ARK2C: variants seen among roughly 807,000 people sequenced by gnomAD.
ARK2C encodes the protein E3 ubiquitin-protein ligase ARK2C.
chr18:46,402,195 C>A, the ARK2C span, among the ~76,000 whole-genome samples: 23 of 152,216 alleles, frequency 1.5e-4, no homozygotes, highest in East Asian at 3.5e-3. Context: ...GCATCTATAC[C>A]CTGTTGGTTA....
the ARK2C span, among the ~76,000 whole-genome samples, chr18:46,403,535 A>G: frequency 2.8e-4 from 42 of 152,284 alleles, no homozygotes; most frequent in African/African-American, 8.2e-4. Context: ...TTTCATTTCA[A>G]TGACTACTTA....
the ARK2C span, chr18:46,433,657 C>CT: frequency 1.4e-6 from 1 of 693,148 alleles, no homozygotes; most frequent in Non-Finnish European, 2.3e-6. Context: ...GCTTCTCTCC[C>CT]TGGCCTGGCC....
the ARK2C span, among the ~76,000 whole-genome samples, chr18:46,432,303 A>G: frequency 1.3e-5 from 2 of 152,230 alleles, no homozygotes; most frequent in Non-Finnish European, 2.9e-5. Flanking sequence ...ATACCTGGAC[A>G]TGTTTGCTTT....
At chr18:46,374,946 C>T in the ARK2C span, among the ~76,000 whole-genome samples, 1 of 152,234 alleles carries the variant, frequency 6.6e-6, no homozygotes, top group East Asian at 1.9e-4. Context: ...CACTTCCCTA[C>T]TGCCCTCCTG....
the ARK2C span, among the ~76,000 whole-genome samples, chr18:46,392,100 G>A: frequency 0.11 from 16,614 of 151,168 alleles, 1,099 homozygotes; most frequent in Non-Finnish European, 0.15. Flanking sequence ...CACACACCAC[G>A]CATACACACA....
the ARK2C span, chr18:46,336,510 A>G: frequency 2.1e-5 from 21 of 985,336 alleles, no homozygotes; most frequent in Admixed American, 1.2e-4. Context: ...GCAGAATGTG[A>G]TAAGAGTTCA....
chr18:46,366,217 G>A, the ARK2C span, among the ~76,000 whole-genome samples: 5 of 148,782 alleles, frequency 3.4e-5, no homozygotes, highest in African/African-American at 1.0e-4. Context: ...GCTTGAACCC[G>A]GGAGGTGGAG....
chr18:46,419,519 T>G, the ARK2C span, among the ~76,000 whole-genome samples: 1 of 152,202 alleles, frequency 6.6e-6, no homozygotes, highest in East Asian at 1.9e-4. Context: ...GACTCTCCTC[T>G]AGGGGAGCAG....
the ARK2C span, among the ~76,000 whole-genome samples, chr18:46,355,392 T>A: frequency 6.6e-6 from 1 of 152,170 alleles, no homozygotes; most frequent in African/African-American, 2.4e-5. Context: ...CCTCACTGGT[T>A]CTATGGGATG....
the ARK2C span, among the ~76,000 whole-genome samples, chr18:46,373,080 G>A: frequency 2.0e-4 from 30 of 152,348 alleles, no homozygotes; most frequent in East Asian, 5.6e-3. Context: ...CAAAAGGTAG[G>A]CTAGAAACTC....
the ARK2C span, among the ~76,000 whole-genome samples, chr18:46,388,987 T>A: frequency 6.6e-6 from 1 of 152,214 alleles, no homozygotes; most frequent in East Asian, 1.9e-4. Context: ...AATAGCTTAT[T>A]GACTCTCGGT....
chr18:46,444,777 T>G, the ARK2C span, among the ~76,000 whole-genome samples: 1 of 152,176 alleles, frequency 6.6e-6, no homozygotes. Context: ...CTGGCTCATT[T>G]TGGATTATTT....
the ARK2C span, among the ~76,000 whole-genome samples, chr18:46,406,026 G>C: frequency 3.3e-5 from 5 of 151,892 alleles, no homozygotes; most frequent in Non-Finnish European, 7.4e-5. Context: ...CCCTGTGTGT[G>C]TGTACACCCT....
At chr18:46,347,604 G>C in the ARK2C span, among the ~76,000 whole-genome samples, 1 of 152,118 alleles carries the variant, frequency 6.6e-6, no homozygotes, top group East Asian at 1.9e-4. Context: ...TCCTCATCTG[G>C]ATTAAACGAG....
At chr18:46,436,995 A>T in the ARK2C span, among the ~76,000 whole-genome samples, 1 of 152,226 alleles carries the variant, frequency 6.6e-6, no homozygotes, top group Non-Finnish European at 1.5e-5. Context: ...AGATGGCAGG[A>T]GGAGCAGCAC....
the ARK2C span, among the ~76,000 whole-genome samples, chr18:46,429,190 T>C: frequency 6.6e-6 from 1 of 152,256 alleles, no homozygotes; most frequent in Non-Finnish European, 1.5e-5. Context: ...ATAATTCTTT[T>C]CTGGCTCACT....
chr18:46,457,599 G>A, the ARK2C span: 2 of 152,652 alleles, frequency 1.3e-5, no homozygotes, highest in African/African-American at 4.8e-5. Context: ...GGGAGGGCTC[G>A]GCCCTCAGCT....
the ARK2C span, among the ~76,000 whole-genome samples, chr18:46,375,673 T>C: frequency 6.6e-6 from 1 of 152,148 alleles, no homozygotes; most frequent in Non-Finnish European, 1.5e-5. Context: ...CCTGGGTTTA[T>C]GCATCCTGGG....
At chr18:46,342,957 A>G in the ARK2C span, among the ~76,000 whole-genome samples, 1 of 152,054 alleles carries the variant, frequency 6.6e-6, no homozygotes, top group African/African-American at 2.4e-5. Context: ...TCTATTTCCT[A>G]TTTTACATTA....
Sources: allele counts gnomAD v4.1 joint callset (sites outside exome capture counted in the v4.1 genomes callset), GRCh38; gene constraint gnomAD v4.1.1; transcripts MANE v1.5; gene names NCBI Gene and HGNC (gene_info 2026-07-23, HGNC 2026-07-21).